The following SPPL2A variants were observed in gnomAD, a reference collection of about 807,000 sequenced individuals.
SPPL2A encodes signal peptide peptidase like 2A.
In SPPL2A, 51 loss-of-function variants were observed where a neutral mutation model predicts 63.8. The observed-to-expected ratio is 0.80, with a 90% CI of 0.64 to 1.01. SPPL2A has a LOEUF of 1.01. Ranked by LOEUF, SPPL2A falls within the 50% of genes least tolerant of loss-of-function variation. The pLI, the probability that SPPL2A is intolerant of heterozygous loss-of-function variation, is 0.00. For missense variants in SPPL2A, 553 were observed against 622.7 expected (o/e 0.89, Z 1.19); for synonymous variants, 188 against 205.8 (o/e 0.91, Z 0.74).
intron 5 of SPPL2A, among the ~76,000 whole-genome samples, chr15:50,746,280 A>G (rs1005219343): frequency 6.6e-6 from 1 of 151,292 alleles, no homozygotes; most frequent in Non-Finnish European, 1.5e-5. Flanking sequence ...TCTACTAAAA[A>G]TACAAAAATT....
intron 14 of SPPL2A, among the ~76,000 whole-genome samples, chr15:50,709,148 T>C (rs1442788784): frequency 6.6e-6 from 1 of 152,184 alleles, no homozygotes; most frequent in African/African-American, 2.4e-5. Flanking sequence ...GAAGAAACTG[T>C]TTAAATGCTT....
rs772636275 is a variant in SPPL2A at position 50,725,200 on chromosome 15, A to G, written c.1249+21T>C. ...ATCATCAGTGTTTTTTTTTTTAACT[A>G]AAATTGTTACAATTGCTTACCTGGT... On this transcript the variant is annotated intron_variant, in intron 12 of 14. Transcript: ENST00000261854. The G allele has an allele frequency of 1.2e-5, 17 of 1,366,804 alleles. No individual in the cohort carries two copies. In the Admixed American group the frequency reaches 2.1e-4, roughly 17 times the overall value. The allele number at this position is 1,366,804 out of a possible 1,614,324, so 84.7% of individuals were successfully genotyped here.
At chr15:50,736,907 G>GTTTTTTTTTTT (rs35812835) in intron 6 of SPPL2A, among the ~76,000 whole-genome samples, 167 bp from the exon 7 acceptor site, 5 of 150,504 alleles carry the variant, frequency 3.3e-5, no homozygotes, top group Non-Finnish European at 3.0e-5. Flanking sequence ...AGATCGTGAG[G>GTTTTTTTTTTT]TTTTTTGTTT....
intron 6 of SPPL2A, among the ~76,000 whole-genome samples, chr15:50,738,410 AC>A (rs1192486383): frequency 6.6e-6 from 1 of 151,970 alleles, no homozygotes; most frequent in African/African-American, 2.4e-5. Flanking sequence ...TTAGTCGGGC[AC>A]AGTGGCGCAC....
In SPPL2A at chr15:50,703,341, TATATACATATATA is replaced by T. The variant is rs2062488654; in HGVS notation, c.*4446_*4458del. 2 of 88,656 alleles carry T rather than the reference TATATACATATATA, an allele frequency of 2.3e-5. No homozygotes were observed. The highest frequency in any genetic ancestry group is 4.6e-5 in the Non-Finnish European group (2 of 43,332). 5.5% of individuals were successfully genotyped at this position (88,656 alleles called of 1,614,324 possible). A position where few individuals can be genotyped will look rare whatever the true frequency, so the allele number is the denominator to read the frequency against. ...TCATATATACATATATATATATATATATATACATATATATATTTTTTTTTTTTTTTTTTTTTTT... is the reference window on the plus strand; with the variant it reads ...TCATATATACATATATATATATATATTATTTTTTTTTTTTTTTTTTTTTTT... On this transcript the variant is annotated 3_prime_UTR_variant, in exon 15 of 15. Coordinates refer to ENST00000261854, the MANE Select transcript of SPPL2A (RefSeq NM_032802.4).
intron 1 of SPPL2A, among the ~76,000 whole-genome samples, chr15:50,756,603 G>T (rs12916038): frequency 2.0e-5 from 3 of 151,878 alleles, no homozygotes; most frequent in Admixed American, 6.6e-5. Context: ...GAGCTAAAAG[G>T]GGGTGGGCAT....
At chr15:50,711,212 T>C (rs1021332106) in intron 14 of SPPL2A, among the ~76,000 whole-genome samples, 4 of 151,046 alleles carry the variant, frequency 2.6e-5, no homozygotes, top group Non-Finnish European at 4.4e-5. Context: ...TATCCTTTTT[T>C]TTTTTTTTTT....
chr15:50,725,803 CTCTGTT>C (rs771983955), intron 11 of SPPL2A: 44 of 231,338 alleles, frequency 1.9e-4, no homozygotes, highest in Non-Finnish European at 3.3e-4. Flanking sequence ...ACTTGAAATA[CTCTGTT>C]TCTATCTATT....
At chr15:50,734,082 G>C (rs976409343) in intron 8 of SPPL2A, among the ~76,000 whole-genome samples, 2 of 152,044 alleles carry the variant, frequency 1.3e-5, no homozygotes, top group Non-Finnish European at 2.9e-5. Flanking sequence ...AGAACAGTAT[G>C]GAAATTCCTC....
chr15:50,723,670 T>G (rs914575390), intron 12 of SPPL2A, among the ~76,000 whole-genome samples: 1 of 152,150 alleles, frequency 6.6e-6, no homozygotes, highest in Non-Finnish European at 1.5e-5. Context: ...GAGATGGGGT[T>G]TCACCATGTT....
chr15:50,758,942 ACT>A (rs1389066668), intron 1 of SPPL2A, among the ~76,000 whole-genome samples: 3 of 151,656 alleles, frequency 2.0e-5, no homozygotes, highest in Non-Finnish European at 4.4e-5. Context: ...ACAGGATCTC[ACT>A]CTATCACCCA....
chr15:50,747,348 G>T, intron 5 of SPPL2A, 147 bp downstream of exon 5: 1 of 654,374 alleles, frequency 1.5e-6, no homozygotes, highest in Non-Finnish European at 2.7e-6. Flanking sequence ...AAATGTAAAT[G>T]ATCTACATGA....
intron 14 of SPPL2A, among the ~76,000 whole-genome samples, chr15:50,716,809 TCTCAA>T (rs1163945373): frequency 6.6e-6 from 1 of 152,166 alleles, no homozygotes; most frequent in Non-Finnish European, 1.5e-5. Flanking sequence ...GCCTCTACAT[TCTCAA>T]CTCTTTATTC....
chr15:50,740,447 A>AAAAAAAAAAAG (rs1567161294), intron 5 of SPPL2A, among the ~76,000 whole-genome samples: 3 of 128,368 alleles, frequency 2.3e-5, no homozygotes, highest in Non-Finnish European at 1.7e-5. Context: ...AAAAAAAAAG[A>AAAAAAAAAAAG]AAAAAAAAAG....
rs539876501 is a variant in SPPL2A, at chr15:50,749,861, C to G, written c.67-115G>C. ...ATCACATTTCCTTGAGAGGGATGGT[C>G]TTCCATGAATTTGTTTCTTCTTGTT... On this transcript the variant is annotated intron_variant, in intron 1 of 14. Coordinates refer to ENST00000261854, the MANE Select transcript of SPPL2A (RefSeq NM_032802.4). 77 of 681,730 alleles carry G rather than the reference C, an allele frequency of 1.1e-4. No homozygotes were observed. The East Asian group carries it at 1.8e-3, about 16-fold the overall frequency. The allele number at this position is 681,730 out of a possible 1,614,324, so 42.2% of individuals were successfully genotyped here.
chr15:50,708,447 C>G (rs1391040246), intron 14 of SPPL2A, among the ~76,000 whole-genome samples: 3 of 152,146 alleles, frequency 2.0e-5, no homozygotes, highest in Non-Finnish European at 4.4e-5. Flanking sequence ...GTGGCTCACA[C>G]CTGTAATCCC....
intron 1 of SPPL2A, among the ~76,000 whole-genome samples, chr15:50,757,253 T>C (rs1397982547): frequency 2.0e-5 from 3 of 152,066 alleles, no homozygotes; most frequent in African/African-American, 7.2e-5. Flanking sequence ...CGGCTAATTT[T>C]TTGTATTTTT....
intron 14 of SPPL2A, among the ~76,000 whole-genome samples, chr15:50,712,680 T>G (rs12915963): frequency 2.3e-5 from 1 of 43,390 alleles, no homozygotes; most frequent in Non-Finnish European, 4.7e-5. Flanking sequence ...TCCCCCCCCC[T>G]TTTTTTTTTT....
chr15:50,728,477 G>A (rs982035763), intron 10 of SPPL2A, among the ~76,000 whole-genome samples: 4 of 151,588 alleles, frequency 2.6e-5, no homozygotes, highest in Admixed American at 6.6e-5. Context: ...CCAAGTAGCT[G>A]GGACTACAGG....
Sources: allele counts gnomAD v4.1 joint callset (sites outside exome capture counted in the v4.1 genomes callset), GRCh38; gene constraint gnomAD v4.1.1; transcripts MANE v1.5; gene names NCBI Gene and HGNC (gene_info 2026-07-23, HGNC 2026-07-21).